Variants in UNC13C observed in about 807,000 individuals in gnomAD.
The protein encoded by UNC13C is protein unc-13 homolog C.
UNC13C carries 174 observed loss-of-function variants against 245.4 expected under a neutral mutation model. That is an observed-to-expected ratio of 0.71 (90% confidence interval 0.63 to 0.80). The LOEUF (loss-of-function observed/expected upper bound fraction) is 0.80, where lower values mean the gene tolerates loss of function less well. Ranked by LOEUF, UNC13C falls within the 30% of genes least tolerant of loss-of-function variation. The pLI is 0.00. For synonymous variants in UNC13C, 992 were observed against 895.1 expected (o/e 1.11, Z -1.93); for missense variants, 2,829 against 2,602.9 (o/e 1.09, Z -1.89).
At chr15:54,365,296 T>G (rs2039339194) in intron 17 of UNC13C, among the ~76,000 whole-genome samples, 1 of 152,280 alleles carries the variant, frequency 6.6e-6, no homozygotes, top group South Asian at 2.1e-4. Flanking sequence ...GAAGTCTCCC[T>G]CTCATTTTCA....
intron 19 of UNC13C, among the ~76,000 whole-genome samples, chr15:54,487,665 G>C (rs1355713049): frequency 6.6e-6 from 1 of 151,324 alleles, no homozygotes; most frequent in African/African-American, 2.4e-5. Context: ...GACTTGGTAG[G>C]CTGAGGCAGG....
At chr15:54,299,438 C>G (rs1439304673) in intron 12 of UNC13C, among the ~76,000 whole-genome samples, 1 of 152,130 alleles carries the variant, frequency 6.6e-6, no homozygotes, top group Non-Finnish European at 1.5e-5. Context: ...TTTGCCTTAA[C>G]ATAGTCAAAA....
chr15:54,544,498 A>G (rs1429707059), intron 26 of UNC13C, among the ~76,000 whole-genome samples: 3 of 152,230 alleles, frequency 2.0e-5, no homozygotes, highest in Non-Finnish European at 4.4e-5. Context: ...GAAAAGAGGA[A>G]GTCAAATTGT....
intron 13 of UNC13C, among the ~76,000 whole-genome samples, chr15:54,306,987 A>G (rs758273646): frequency 2.0e-5 from 3 of 152,158 alleles, no homozygotes; most frequent in Non-Finnish European, 4.4e-5. Flanking sequence ...CTCAGTGCCT[A>G]TCATGTGCCA....
At chr15:53,892,452 T>A in the UNC13C span, among the ~76,000 whole-genome samples, 2 of 152,224 alleles carry the variant, frequency 1.3e-5, no homozygotes, top group African/African-American at 2.4e-5. Context: ...TTCTCCTGGA[T>A]AATATCCTGA....
At chr15:54,328,842 G>A (rs1229290078) in intron 14 of UNC13C, among the ~76,000 whole-genome samples, 1 of 152,002 alleles carries the variant, frequency 6.6e-6, no homozygotes, top group African/African-American at 2.4e-5. Context: ...TTTAAAGACT[G>A]TTATTTTGTG....
At chr15:53,907,991 T>C in the UNC13C span, among the ~76,000 whole-genome samples, 3 of 147,182 alleles carry the variant, frequency 2.0e-5, no homozygotes, top group African/African-American at 7.3e-5. Context: ...TAAATACATG[T>C]ATCTTGAAGT....
rs142035733 is a variant in UNC13C at position 54,030,682 on chromosome 15, C to T, written c.2983+14796C>T. ...ATAGAAATTTATTTTCTCACAGTTC[C>T]AGAGGTTGGGAAGTTTAAGTCCCGG... is the stretch of plus-strand genomic sequence containing the variant. On this transcript the variant is annotated intron_variant, in intron 2 of 32. Coordinates refer to ENST00000260323, the MANE Select transcript of UNC13C (RefSeq NM_001080534.3). 1.3e-4 allele frequency among the ~76,000 whole-genome samples: 20 copies of T among 152,200 alleles called. No individual in the cohort carries two copies. The East Asian group carries it at 3.1e-3, about 24-fold the overall frequency.
intron 30 of UNC13C, among the ~76,000 whole-genome samples, chr15:54,582,548 C>G (rs1898247816): frequency 6.6e-6 from 1 of 152,066 alleles, no homozygotes; most frequent in East Asian, 1.9e-4. Context: ...GCCACTATTT[C>G]AAGGAAAGCA....
chr15:54,399,626 G>C (rs2040141142), intron 18 of UNC13C, among the ~76,000 whole-genome samples: 1 of 151,810 alleles, frequency 6.6e-6, no homozygotes, highest in African/African-American at 2.4e-5. Context: ...GTAGATAGCA[G>C]AAAGTATCTC....
intron 4 of UNC13C, among the ~76,000 whole-genome samples, chr15:54,149,967 GGC>G: frequency 6.6e-6 from 1 of 152,238 alleles, no homozygotes; most frequent in Admixed American, 6.5e-5. Flanking sequence ...TTTTATATAA[GGC>G]AGTTGAGTAT....
At chr15:54,241,620 A>G (rs1258304920) in intron 7 of UNC13C, among the ~76,000 whole-genome samples, 8 of 152,254 alleles carry the variant, frequency 5.3e-5, no homozygotes, top group Non-Finnish European at 8.8e-5. Context: ...CATCAATAAA[A>G]TGAAAGTAAT....
At position 54,063,710 on chromosome 15, in the gene UNC13C, A is replaced by T. The variant is rs28668733; in HGVS notation, c.2983+47824A>T. 6.1e-3 allele frequency among the ~76,000 whole-genome samples: 929 copies of T among 152,314 alleles called. 10 individuals are homozygous for T. Among genetic ancestry groups the T allele is most frequent in the African/African-American group, 0.021 (889 of 41,562 alleles). ...GAATCACTTGACCTTTTAAAAAATGACTAGTCTTTGTGCTAAGTGTGAAAG... is the reference window on the plus strand; with the variant it reads ...GAATCACTTGACCTTTTAAAAAATGTCTAGTCTTTGTGCTAAGTGTGAAAG... On this transcript the variant is annotated intron_variant, in intron 2 of 32. Coordinates refer to ENST00000260323, the MANE Select transcript of UNC13C (RefSeq NM_001080534.3).
rs1282570238 is a variant in UNC13C at position 54,013,350 on chromosome 15, A to G, written c.447A>G (p.Pro149=). 1.2e-6 allele frequency: 2 copies of G among 1,613,914 alleles called. No homozygotes were observed. Among genetic ancestry groups the G allele is most frequent in the Non-Finnish European group, 1.7e-6 (2 of 1,179,864 alleles). ...AGGCACAATCAACACACACAATGCC[A>G]GTTAGACGCAACAGAAAGAGTTCAA... is the stretch of plus-strand genomic sequence containing the variant. ...ENQAQSTHTM[P]VRRNRKSSSS... The change falls in exon 2 of 33, where the codon CCA becomes CCG. Residue 149 remains proline (P), a synonymous_variant. Transcript: ENST00000260323.
chr15:54,440,248 G>A (rs893130000), intron 19 of UNC13C, among the ~76,000 whole-genome samples: 3 of 151,852 alleles, frequency 2.0e-5, no homozygotes, highest in Non-Finnish European at 2.9e-5. Context: ...GTTTCCTGAG[G>A]CCTTCCCACT....
chr15:54,133,079 C>A (rs192343577), intron 2 of UNC13C, among the ~76,000 whole-genome samples: 1 of 151,900 alleles, frequency 6.6e-6, no homozygotes, highest in Admixed American at 6.6e-5. Flanking sequence ...ATTTATTTTT[C>A]GTGGTAACTG....
chr15:54,269,384 G>A (rs1460796615), intron 10 of UNC13C, among the ~76,000 whole-genome samples: 2 of 151,962 alleles, frequency 1.3e-5, no homozygotes, highest in East Asian at 1.9e-4. Flanking sequence ...GAATTTGATT[G>A]ATAAGCCAAA....
chr15:54,235,053 T>C lies in UNC13C; in HGVS notation c.3095T>C (p.Ile1032Thr). 6.2e-7 allele frequency: 1 copy of C among 1,613,956 alleles called. No individual in the cohort carries two copies. The highest frequency in any genetic ancestry group is 1.3e-5 in the African/African-American group (1 of 75,044). The change falls in exon 5 of 33, where the codon ATT (isoleucine) becomes ACT (threonine). Residue 1032 changes from isoleucine (I) to threonine (T), a missense_variant. Transcript: ENST00000260323. ...AGGGCTGGAGGTGGACTTTATGGTATTGACAGCATGCCGGATCTTCGCAGA... is the reference window on the plus strand; with the variant it reads ...AGGGCTGGAGGTGGACTTTATGGTACTGACAGCATGCCGGATCTTCGCAGA... Reference protein sequence around the residue: ...CGGAGGGLYGIDSMPDLRRKK... With the variant: ...CGGAGGGLYGTDSMPDLRRKK...
chr15:54,596,270 A>G (rs1899078912), intron 30 of UNC13C, among the ~76,000 whole-genome samples: 2 of 152,204 alleles, frequency 1.3e-5, no homozygotes, highest in South Asian at 4.1e-4. Flanking sequence ...AAAGTGCTAC[A>G]TTAAAAAGAA....
Sources: gnomAD v4.1 joint callset for allele counts (sites outside exome capture counted in the v4.1 genomes callset) on GRCh38, gnomAD v4.1.1 for gene constraint, MANE v1.5 for transcripts, NCBI Gene and HGNC (gene_info 2026-07-23, HGNC 2026-07-21) for gene names.